The following ABI1 variants were observed in gnomAD, a reference collection of about 807,000 sequenced individuals.
ABI1 encodes the protein Abelson interactor 1.
A neutral mutation model predicts 54.6 loss-of-function variants in ABI1; 14 were observed. The ratio of observed to expected loss-of-function variants is 0.26; its 90% confidence interval spans 0.17 to 0.40. The LOEUF is 0.40. Among genes scored for constraint, ABI1 ranks in the 10% least tolerant of loss-of-function variants. The pLI is 1.00. For synonymous variants in ABI1, 194 were observed against 209.3 expected (o/e 0.93, Z 0.63); for missense variants, 443 against 598.3 (o/e 0.74, Z 2.71).
At chr10:26,816,159 T>A (rs1270847050) in intron 2 of ABI1, among the ~76,000 whole-genome samples, 2 of 152,190 alleles carry the variant, frequency 1.3e-5, no homozygotes, top group African/African-American at 2.4e-5. Flanking sequence ...TAAGCCATTG[T>A]GACATTTTAC....
rs1837097566 is a variant in ABI1 at position 26,747,731 on chromosome 10, C to T, written c.*839G>A. On this transcript the variant is annotated 3_prime_UTR_variant, in exon 11 of 11. Coordinates refer to ENST00000376140, the MANE Select transcript of ABI1 (RefSeq NM_001012750.3). ...TGCAGATTTTGAATCTGCAAAAATC[C>T]GTCACATTGCTGTTGGGACAGATTA... is the stretch of plus-strand genomic sequence containing the variant. The T allele has an allele frequency of 1.0e-5, 2 of 195,656 alleles. No homozygotes were observed. The highest frequency in any genetic ancestry group is 2.3e-5 in the African/African-American group (1 of 43,158). 12.1% of individuals were successfully genotyped at this position (195,656 alleles called of 1,614,324 possible).
At chr10:26,805,180 A>G (rs2046804124) in intron 2 of ABI1, among the ~76,000 whole-genome samples, 1 of 152,212 alleles carries the variant, frequency 6.6e-6, no homozygotes, top group African/African-American at 2.4e-5. Context: ...AGTTGAAGAG[A>G]CCACATCAAT....
intron 1 of ABI1, among the ~76,000 whole-genome samples, chr10:26,825,531 T>G (rs1223940162): frequency 6.6e-6 from 1 of 151,972 alleles, no homozygotes; most frequent in Non-Finnish European, 1.5e-5. Context: ...CATGGTGGTA[T>G]GTGCCTGTAA....
intron 1 of ABI1, among the ~76,000 whole-genome samples, chr10:26,831,447 G>T (rs1214218606): frequency 6.6e-6 from 1 of 152,102 alleles, no homozygotes; most frequent in Non-Finnish European, 1.5e-5. Context: ...GGAGGCTGAG[G>T]CGTAAGAATC....
At position 26,860,413 on chromosome 10, in the gene ABI1, G is replaced by C. The variant is rs1157854380; in HGVS notation, c.117+334C>G. On this transcript the variant is annotated intron_variant, in intron 1 of 10. Transcript: ENST00000376140. The surrounding 1 kb of genome is among the most constrained non-coding windows in gnomAD (Gnocchi z 4.1). ...AGCCCTGCGGACTGGAGGCTACCTG[G>C]GGGGCGCGCGACCCCGGTGGCCGGG... is the stretch of plus-strand genomic sequence containing the variant. Among the ~76,000 whole-genome samples, 1 of 152,146 alleles carries C rather than the reference G, an allele frequency of 6.6e-6. No homozygotes were observed. Among genetic ancestry groups the C allele is most frequent in the Non-Finnish European group, 1.5e-5 (1 of 68,024 alleles).
chr10:26,785,904 T>C (rs1361033676), intron 2 of ABI1, among the ~76,000 whole-genome samples: 1 of 152,096 alleles, frequency 6.6e-6, no homozygotes, highest in Non-Finnish European at 1.5e-5. Flanking sequence ...CACCTTCCTC[T>C]GTGGAGCAGT....
chr10:26,804,327 G>T (rs577711117), intron 2 of ABI1, among the ~76,000 whole-genome samples: 48 of 151,832 alleles, frequency 3.2e-4, no homozygotes, highest in Non-Finnish European at 4.6e-4. Flanking sequence ...AGGTTGCAGT[G>T]AGCTTAGATC....
At chr10:26,780,591 A>G (rs1841987570) in intron 2 of ABI1, among the ~76,000 whole-genome samples, 1 of 152,164 alleles carries the variant, frequency 6.6e-6, no homozygotes, top group African/African-American at 2.4e-5. Flanking sequence ...TCTCTTGTTC[A>G]CTGGTGCAAA....
rs546162123 is a variant in ABI1 at position 26,846,004 on chromosome 10, C to T, written c.117+14743G>A. On this transcript the variant is annotated intron_variant, in intron 1 of 10. Coordinates refer to ENST00000376140, the MANE Select transcript of ABI1 (RefSeq NM_001012750.3). Reference sequence around the variant, plus strand: ...CAAAAAAATACAAAAAGTAGCCAGGCACGGTGGTGGGTACCTGTAATCCCA... The same window carrying T: ...CAAAAAAATACAAAAAGTAGCCAGGTACGGTGGTGGGTACCTGTAATCCCA... 1.3e-3 allele frequency among the ~76,000 whole-genome samples: 200 copies of T among 151,982 alleles called. 2 individuals are homozygous for T. Among genetic ancestry groups the T allele is most frequent in the Middle Eastern group, 6.8e-3 (2 of 294 alleles).
intron 1 of ABI1, among the ~76,000 whole-genome samples, chr10:26,836,663 A>T (rs17816696): frequency 1.3e-5 from 2 of 151,996 alleles, no homozygotes. Flanking sequence ...ACTAAGAATA[A>T]GGCTAATAGT....
At chr10:26,853,415 T>C (rs11015342) in intron 1 of ABI1, among the ~76,000 whole-genome samples, 38,951 of 151,338 alleles carry the variant, frequency 0.26, 5,712 homozygotes, top group South Asian at 0.44. Flanking sequence ...AATCAAACCA[T>C]AATTTCAATA....
chr10:26,776,285 C>T (rs1279356494), intron 3 of ABI1, among the ~76,000 whole-genome samples: 3 of 152,172 alleles, frequency 2.0e-5, no homozygotes, highest in African/African-American at 7.2e-5. Flanking sequence ...CCAGTCAGAT[C>T]AATCAGCTAG....
intron 1 of ABI1, among the ~76,000 whole-genome samples, chr10:26,848,933 A>G (rs2050192832): frequency 6.6e-6 from 1 of 152,170 alleles, no homozygotes; most frequent in Non-Finnish European, 1.5e-5. Context: ...AAGAAACTTT[A>G]CATTTTTTAT....
chr10:26,793,342 TG>T (rs931294278), intron 2 of ABI1, among the ~76,000 whole-genome samples: 18 of 152,232 alleles, frequency 1.2e-4, no homozygotes, highest in Non-Finnish European at 2.6e-4. Context: ...TACAGATCTT[TG>T]TTCAATAAGC....
chr10:26,751,538 G>GTTC (rs1388728942), intron 10 of ABI1, 60 bp downstream of exon 10: 5 of 1,527,220 alleles, frequency 3.3e-6, no homozygotes, highest in Non-Finnish European at 4.5e-6. Flanking sequence ...GTTCTTTATA[G>GTTC]TTCTAAATTT....
At chr10:26,773,772 C>G (rs933402878) in intron 3 of ABI1, among the ~76,000 whole-genome samples, 4 of 152,112 alleles carry the variant, frequency 2.6e-5, no homozygotes, top group African/African-American at 9.7e-5. Context: ...AATCAGAAAC[C>G]ACAATTAACT....
intron 7 of ABI1, among the ~76,000 whole-genome samples, chr10:26,761,347 A>T (rs1247868265): frequency 6.6e-6 from 1 of 152,066 alleles, no homozygotes; most frequent in Non-Finnish European, 1.5e-5. Context: ...AACAAAAGCC[A>T]ATCATTTAGC....
chr10:26,783,887 GGGCCC>G (rs1450176156), intron 2 of ABI1, among the ~76,000 whole-genome samples: 1 of 152,128 alleles, frequency 6.6e-6, no homozygotes, highest in Non-Finnish European at 1.5e-5. Flanking sequence ...TTTAATAAAA[GGGCCC>G]TTTGTCACTC....
At position 26,782,153 on chromosome 10, in the gene ABI1, C is replaced by T. The variant is rs562210367; in HGVS notation, c.286-4912G>A. ...CTATTCCAGTTCAATCAGCTGACTC[C>T]AGCCACAGTACCGTGGTCCTTGACA... On this transcript the variant is annotated intron_variant, in intron 2 of 10. Transcript: ENST00000376140. Among the ~76,000 whole-genome samples the T allele has an allele frequency of 5.9e-5, 9 of 152,284 alleles. No individual in the cohort carries two copies. In the South Asian group the frequency reaches 1.9e-3, roughly 32 times the overall value.
Sources: gnomAD v4.1 joint callset for allele counts (sites outside exome capture counted in the v4.1 genomes callset) on GRCh38, gnomAD v4.1.1 for gene constraint, Gnocchi (gnomAD v3.1) non-coding constraint, MANE v1.5 for transcripts, NCBI Gene and HGNC (gene_info 2026-07-23, HGNC 2026-07-21) for gene names.